Variants in ALKBH5 observed in about 807,000 individuals in gnomAD.
ALKBH5 encodes RNA demethylase ALKBH5.
ALKBH5 carries 2 observed loss-of-function variants against 32.1 expected under a neutral mutation model. The ratio of observed to expected loss-of-function variants is 0.06; its 90% CI spans 0.03 to 0.20. The LOEUF (loss-of-function observed/expected upper bound fraction) is 0.20, where lower values mean the gene tolerates loss of function less well. Among genes scored for constraint, ALKBH5 ranks in the 10% least tolerant of loss-of-function variants. The pLI, the probability that ALKBH5 is intolerant of heterozygous loss-of-function variation, is 1.00. For synonymous variants in ALKBH5, 300 were observed against 231.7 expected, an observed-to-expected ratio of 1.29 and a Z score of -2.68; for missense variants, 352 against 559.5, an observed-to-expected ratio of 0.63 and a Z score of 3.74.
chr17:18,188,558 C>T (rs2047153667), intron 1 of ALKBH5, among the ~76,000 whole-genome samples: 1 of 152,194 alleles, frequency 6.6e-6, no homozygotes, highest in Non-Finnish European at 1.5e-5. Flanking sequence ...GGCCACATCT[C>T]TTGTGTGGAC....
At chr17:18,201,794 A>AGGATAGATAGAT (rs1491101824) in intron 2 of ALKBH5, among the ~76,000 whole-genome samples, 6 of 134,516 alleles carry the variant, frequency 4.5e-5, no homozygotes, top group South Asian at 5.0e-4. Flanking sequence ...TAGGATAGAT[A>AGGATAGATAGAT]AGATAGATAG....
At chr17:18,203,547 C>A (rs1289327396) in intron 2 of ALKBH5, among the ~76,000 whole-genome samples, 1 of 152,242 alleles carries the variant, frequency 6.6e-6, no homozygotes. Flanking sequence ...AATACTGACT[C>A]ATCTGTAAGG....
intron 2 of ALKBH5, among the ~76,000 whole-genome samples, chr17:18,195,558 C>T (rs139944498): frequency 7.5e-4 from 114 of 152,302 alleles, no homozygotes; most frequent in Non-Finnish European, 1.3e-3. Flanking sequence ...GGATGTGCTA[C>T]TTAACATCAA....
intron 1 of ALKBH5, among the ~76,000 whole-genome samples, chr17:18,185,324 C>G (rs369311658): frequency 6.6e-6 from 1 of 151,892 alleles, no homozygotes; most frequent in South Asian, 2.1e-4. Flanking sequence ...CCATCCATTT[C>G]TTAGCATAAG....
At chr17:18,204,786 G>C (rs888776324) in intron 2 of ALKBH5, among the ~76,000 whole-genome samples, 1 of 151,746 alleles carries the variant, frequency 6.6e-6, no homozygotes, top group Non-Finnish European at 1.5e-5. Context: ...ATCTGGAGCC[G>C]GGCTTGATGG....
At position 18,209,776 on chromosome 17, in the gene ALKBH5, C is replaced by CA. The variant is rs1372659803; in HGVS notation, c.*1381dup. ...GCAGCCACCATCAAGAAGCCCCTCTCAGGGGCCAGAACTCCTTTGCCAGCG... is the reference window on the plus strand; with the variant it reads ...GCAGCCACCATCAAGAAGCCCCTCTCAAGGGGCCAGAACTCCTTTGCCAGCG... On this transcript the variant is annotated 3_prime_UTR_variant, in exon 4 of 4. Coordinates refer to ENST00000399138, the MANE Select transcript of ALKBH5 (RefSeq NM_017758.4). 6.6e-6 allele frequency: 1 copy of CA among 152,644 alleles called. No homozygotes were observed. The highest frequency in any genetic ancestry group is 2.4e-5 in the African/African-American group (1 of 41,454). 9.5% of individuals were successfully genotyped at this position (152,644 alleles called of 1,614,324 possible). A position where few individuals can be genotyped will look rare whatever the true frequency, so the allele number is the denominator to read the frequency against.
chr17:18,208,093 GA>G, intron 3 of ALKBH5, 125 bp from the exon 4 acceptor site: 2 of 1,013,264 alleles, frequency 2.0e-6, no homozygotes, highest in Non-Finnish European at 2.9e-6. Flanking sequence ...CCTCTGCCAG[GA>G]CTACCCTTCG....
intron 2 of ALKBH5, among the ~76,000 whole-genome samples, chr17:18,206,063 A>G (rs1231024858): frequency 1.3e-5 from 2 of 152,108 alleles, no homozygotes; most frequent in Admixed American, 6.5e-5. Flanking sequence ...TTCTGGCTTC[A>G]TAAAGGACTT....
chr17:18,194,153 G>GAT, intron 1 of ALKBH5, among the ~76,000 whole-genome samples: 1 of 150,684 alleles, frequency 6.6e-6, no homozygotes. Flanking sequence ...TTGGGCGGGG[G>GAT]GCAGGGGGTG....
chr17:18,199,483 G>T (rs1465376703), intron 2 of ALKBH5, among the ~76,000 whole-genome samples: 1 of 152,126 alleles, frequency 6.6e-6, no homozygotes, highest in East Asian at 1.9e-4. Flanking sequence ...CTCCTGGTAG[G>T]CCTTGCTAGC....
At chr17:18,200,156 G>A (rs2047228242) in intron 2 of ALKBH5, among the ~76,000 whole-genome samples, 1 of 151,482 alleles carries the variant, frequency 6.6e-6, no homozygotes, top group African/African-American at 2.4e-5. Context: ...GGGAGGAAGG[G>A]TAAAGGTGAG....
At position 18,208,470 on chromosome 17, in the gene ALKBH5, G is replaced by T; in HGVS notation, c.*74G>T. 1 of 1,556,126 alleles carries T rather than the reference G, an allele frequency of 6.4e-7. No individual in the cohort carries two copies. Among genetic ancestry groups the T allele is most frequent in the Non-Finnish European group, 8.8e-7 (1 of 1,140,446 alleles). On this transcript the variant is annotated 3_prime_UTR_variant, in exon 4 of 4. Coordinates refer to ENST00000399138, the MANE Select transcript of ALKBH5 (RefSeq NM_017758.4). ...CCCCTCCTTTTGTTTTGAGGGTTTT[G>T]TTTTTGTTCATTGGGGGGTTTTTGT...
intron 1 of ALKBH5, among the ~76,000 whole-genome samples, chr17:18,189,385 G>A (rs998453766): frequency 2.6e-5 from 4 of 152,122 alleles, no homozygotes; most frequent in Admixed American, 6.5e-5. Context: ...GCAAGACTCC[G>A]TCTCAAAAAA....
At chr17:18,196,334 GTC>G (rs2047204381) in intron 2 of ALKBH5, among the ~76,000 whole-genome samples, 1 of 151,690 alleles carries the variant, frequency 6.6e-6, no homozygotes, top group African/African-American at 2.4e-5. Context: ...GTGATTTCGT[GTC>G]TCAGCCTCCT....
In ALKBH5 at chr17:18,208,339, G is replaced by A. The variant is rs748059049; in HGVS notation, c.1128G>A (p.Glu376=). Residue 376 remains glutamate, a synonymous_variant, in exon 4 of 4, where the codon GAG becomes GAA. Transcript: ENST00000399138. ...NYWRKSYESS[E]DCSEAAGSPA... The stretch of plus-strand genomic sequence containing the variant: ...GGCGCAAGTCATACGAGTCCTCAGA[G>A]GACTGCTCTGAGGCAGCAGGCAGCC... 4 of 1,614,106 alleles carry A rather than the reference G, an allele frequency of 2.5e-6. No individual in the cohort carries two copies. Among genetic ancestry groups the A allele is most frequent in the Non-Finnish European group, 1.7e-6 (2 of 1,180,006 alleles).
intron 3 of ALKBH5, 73 bp downstream of exon 3, chr17:18,207,043 G>T: frequency 6.4e-7 from 1 of 1,559,274 alleles, no homozygotes; most frequent in Non-Finnish European, 8.7e-7. Flanking sequence ...GAGAAGCCTG[G>T]GGTAGGCTGT....
chr17:18,184,545 C>T lies in ALKBH5; in HGVS notation c.302C>T (p.Ala101Val). The change falls in exon 1 of 4, where the codon GCC becomes GTC. Residue 101 changes from alanine (A) to valine (V), a missense_variant. Ala to Val is a moderately conservative substitution (Grantham distance 64). Transcript: ENST00000399138. ...QMRLFSQDEC[A>V]KIEARIDEVV... Reference sequence around the variant, plus strand: ...CGCCTCTTCAGCCAGGACGAGTGCGCCAAGATCGAGGCCCGCATTGACGAG... The same window carrying T: ...CGCCTCTTCAGCCAGGACGAGTGCGTCAAGATCGAGGCCCGCATTGACGAG... 5 of 1,613,304 alleles carry T rather than the reference C, an allele frequency of 3.1e-6. No homozygotes were observed. Among genetic ancestry groups the T allele is most frequent in the Non-Finnish European group, 4.2e-6 (5 of 1,179,988 alleles).
At chr17:18,201,781 AGATAGGATAGATAAGAT>A (rs1567676620) in intron 2 of ALKBH5, among the ~76,000 whole-genome samples, 12 of 106,128 alleles carry the variant, frequency 1.1e-4, no homozygotes, top group Non-Finnish European at 2.1e-4. Flanking sequence ...ATAGATAGAT[AGATAGGATAGATAAGAT>A]AGATAGATAG....
intron 1 of ALKBH5, among the ~76,000 whole-genome samples, chr17:18,191,879 G>A (rs1056871448): frequency 4.6e-5 from 7 of 151,120 alleles, no homozygotes; most frequent in South Asian, 4.2e-4. Context: ...AACCTGGGAC[G>A]TGGAGGTTAC....
Sources: gnomAD v4.1 joint callset for allele counts (sites outside exome capture counted in the v4.1 genomes callset) on GRCh38, gnomAD v4.1.1 for gene constraint, MANE v1.5 for transcripts, NCBI Gene and HGNC (gene_info 2026-07-23, HGNC 2026-07-21) for gene names.